Variants in KLF8 observed in about 807,000 individuals in gnomAD.
KLF8 encodes KLF transcription factor 8.
Under a neutral mutation model 18.2 loss-of-function variants are expected in KLF8, and 10 were observed. That is an observed-to-expected ratio of 0.55 (90% confidence interval 0.34 to 0.93). The LOEUF is 0.93. Among genes scored for constraint, KLF8 ranks in the 40% least tolerant of loss-of-function variants. The pLI, the probability that KLF8 is intolerant of heterozygous loss-of-function variation, is 0.02. For missense variants in KLF8, 264 were observed against 277.9 expected, an observed-to-expected ratio of 0.95 and a Z score of 0.36; for synonymous variants, 109 against 97.3, an observed-to-expected ratio of 1.12 and a Z score of -0.71.
the KLF8 span, among the ~76,000 whole-genome samples, chrX:56,180,466 G>T: frequency 9.1e-6 from 1 of 110,402 alleles, no homozygotes; most frequent in Non-Finnish European, 1.9e-5. Context: ...ATCTCCTTCA[G>T]TTCTGCCCTG....
At chrX:56,214,007 T>G in the KLF8 span, among the ~76,000 whole-genome samples, 2 of 111,457 alleles carry the variant, frequency 1.8e-5, no homozygotes, top group African/African-American at 6.5e-5. Context: ...GAAGGTATGC[T>G]TCCCCTGAAG....
intron 5 of KLF8, among the ~76,000 whole-genome samples, chrX:56,275,437 C>T (rs949360394): frequency 9.0e-6 from 1 of 111,021 alleles, no homozygotes; most frequent in Non-Finnish European, 1.9e-5. Context: ...AAGATTATGT[C>T]TTCTGCAAAC....
chrX:55,981,129 G>A, the KLF8 span, among the ~76,000 whole-genome samples: 2 of 112,045 alleles, frequency 1.8e-5, no homozygotes, highest in Non-Finnish European at 3.8e-5. Flanking sequence ...GGAGGCGGAG[G>A]TTGCAGTGAG....
At chrX:55,978,343 T>C in the KLF8 span, among the ~76,000 whole-genome samples, 1 of 112,070 alleles carries the variant, frequency 8.9e-6, no homozygotes, top group African/African-American at 3.2e-5. Flanking sequence ...TTGATGTTTT[T>C]CCGTCTTTTA....
At chrX:56,017,938 C>A in the KLF8 span, among the ~76,000 whole-genome samples, 2 of 110,976 alleles carry the variant, frequency 1.8e-5, no homozygotes, top group South Asian at 7.7e-4. Context: ...TTGTACATAT[C>A]TATAGGGTAC....
At chrX:56,231,455 C>A (rs1242253304), upstream of KLF8, among the ~76,000 whole-genome samples, 1 of 111,886 alleles carries the variant, frequency 8.9e-6, no homozygotes, top group Non-Finnish European at 1.9e-5. Context: ...AATGTAAAAG[C>A]ACCTGGCTCA....
At chrX:56,019,653 A>G in the KLF8 span, among the ~76,000 whole-genome samples, 1 of 112,064 alleles carries the variant, frequency 8.9e-6, no homozygotes, top group Non-Finnish European at 1.9e-5. Context: ...ATGTGGTAAG[A>G]TAAAGTCCTG....
the KLF8 span, among the ~76,000 whole-genome samples, chrX:56,163,992 T>C: frequency 8.9e-6 from 1 of 112,242 alleles, no homozygotes; most frequent in Non-Finnish European, 1.9e-5. Flanking sequence ...CCTGTTTTGG[T>C]TACTGTAGAC....
chrX:56,228,388 A>G (rs1416957716), upstream of KLF8, among the ~76,000 whole-genome samples: 2 of 112,289 alleles, frequency 1.8e-5, no homozygotes, highest in Non-Finnish European at 3.8e-5. Flanking sequence ...TAAGAAAAAC[A>G]CAATGTTTGA....
chrX:56,149,909 C>T, the KLF8 span, among the ~76,000 whole-genome samples: 1 of 110,537 alleles, frequency 9.0e-6, no homozygotes, highest in East Asian at 2.8e-4. Context: ...GAAGCCTTTG[C>T]TTTTTTACAT....
the KLF8 span, among the ~76,000 whole-genome samples, chrX:56,090,153 C>A: frequency 8.9e-6 from 1 of 111,959 alleles, no homozygotes; most frequent in African/African-American, 3.2e-5. Context: ...ACACATAAAA[C>A]TATAGAATGC....
At chrX:56,187,890 A>G in the KLF8 span, among the ~76,000 whole-genome samples, 2 of 112,107 alleles carry the variant, frequency 1.8e-5, no homozygotes, top group Middle Eastern at 4.6e-3. Flanking sequence ...AATAAGTGCT[A>G]TCTATGACAA....
At chrX:56,153,330 G>C in the KLF8 span, among the ~76,000 whole-genome samples, 8 of 109,226 alleles carry the variant, frequency 7.3e-5, no homozygotes, top group African/African-American at 2.7e-4. Flanking sequence ...GCTCTTGCAT[G>C]GGGAACAGAG....
the KLF8 span, among the ~76,000 whole-genome samples, chrX:56,097,265 C>T: frequency 9.1e-6 from 1 of 110,278 alleles, no homozygotes; most frequent in African/African-American, 3.3e-5. Flanking sequence ...GGAGAAGTCC[C>T]AGCTTTTTGG....
chrX:56,142,448 A>G, the KLF8 span, among the ~76,000 whole-genome samples: 1 of 111,241 alleles, frequency 9.0e-6, no homozygotes, highest in Non-Finnish European at 1.9e-5. Flanking sequence ...TAAACTTTGG[A>G]GTGATACAAG....
chrX:56,202,104 T>A, the KLF8 span, among the ~76,000 whole-genome samples: 4 of 110,459 alleles, frequency 3.6e-5, no homozygotes, highest in Non-Finnish European at 7.6e-5. Flanking sequence ...TCCCAGAGAG[T>A]GAGTATGAAG....
At chrX:56,149,514 T>C in the KLF8 span, among the ~76,000 whole-genome samples, 1 of 110,816 alleles carries the variant, frequency 9.0e-6, no homozygotes, top group East Asian at 2.8e-4. Context: ...GGATCATTTG[T>C]ACCCCAAACC....
chrX:56,279,201 A>G lies in KLF8; in HGVS notation c.899-5112A>G, dbSNP rs968026662. Among the ~76,000 whole-genome samples the G allele has an allele frequency of 3.6e-5, 4 of 111,043 alleles. No individual in the cohort carries two copies. The Admixed American group carries it at 3.8e-4, about 11-fold the overall frequency. ...TTTAGGGTACATGTTTACAACTTTC[A>G]TTCTTATGAAGGTCCTTTTTTGTGT... is the stretch of plus-strand genomic sequence containing the variant. On this transcript the variant is annotated intron_variant, in intron 5 of 5. Transcript: ENST00000468660.
At chrX:55,950,304 G>A in the KLF8 span, among the ~76,000 whole-genome samples, 2 of 110,863 alleles carry the variant, frequency 1.8e-5, no homozygotes, top group East Asian at 2.9e-4. Context: ...TGCAGAGAGC[G>A]GGAGATTTCA....
Sources: allele counts gnomAD v4.1 joint callset (sites outside exome capture counted in the v4.1 genomes callset), GRCh38; gene constraint gnomAD v4.1.1; transcripts MANE v1.5; gene names NCBI Gene and HGNC (gene_info 2026-07-23, HGNC 2026-07-21).